The following NECTIN3 variants were observed in gnomAD, a reference collection of about 807,000 sequenced individuals.
NECTIN3 encodes nectin cell adhesion molecule 3, also known as nectin-3.
NECTIN3 carries 8 observed loss-of-function variants against 49.4 expected under a neutral mutation model. The observed-to-expected ratio is 0.16, with a 90% CI of 0.10 to 0.29. NECTIN3 has a LOEUF of 0.29. Ranked by LOEUF, NECTIN3 falls within the 10% of genes least tolerant of loss-of-function variation. NECTIN3 has a pLI of 1.00. For missense variants in NECTIN3, 581 were observed against 654.6 expected (o/e 0.89, Z 1.23); for synonymous variants, 277 against 241.1 (o/e 1.15, Z -1.38).
intron 7 of NECTIN3, among the ~76,000 whole-genome samples, chr3:111,168,436 A>T (rs2035363174): frequency 6.6e-6 from 1 of 151,442 alleles, no homozygotes; most frequent in African/African-American, 2.5e-5. Context: ...TCCCTTTTAT[A>T]TCTTATTACT....
At chr3:111,170,176 G>C (rs2035406209) in intron 7 of NECTIN3, among the ~76,000 whole-genome samples, 1 of 152,084 alleles carries the variant, frequency 6.6e-6, no homozygotes, top group Non-Finnish European at 1.5e-5. Flanking sequence ...TTCTTTATTA[G>C]GCATGAAGAT....
chr3:111,156,597 T>C (rs1447966654), intron 7 of NECTIN3, among the ~76,000 whole-genome samples: 2 of 152,224 alleles, frequency 1.3e-5, no homozygotes, highest in African/African-American at 4.8e-5. Flanking sequence ...CGGTTTATTC[T>C]TGATTGAGTT....
Position 111,135,764 on chromosome 3 carries a change from AT to A in NECTIN3, c.*1550del. On this transcript the variant is annotated 3_prime_UTR_variant, in exon 6 of 6. Transcript: ENST00000485303. ...TAGGGGGCAAAATTCTAACATGTTC[AT>A]GGTATCTTGCAAATAGTGAAAGCTT... 8 of 959,106 alleles carry A rather than the reference AT, an allele frequency of 8.3e-6. No individual in the cohort carries two copies. The highest frequency in any genetic ancestry group is 9.9e-6 in the Non-Finnish European group (8 of 806,234). 59.4% of individuals were successfully genotyped at this position (959,106 alleles called of 1,614,324 possible).
Position 111,136,270 on chromosome 3 carries a change from T to C in NECTIN3, c.*2055T>C. 1 of 966,080 alleles carries C rather than the reference T, an allele frequency of 1.0e-6. No individual in the cohort carries two copies. Among genetic ancestry groups the C allele is most frequent in the Non-Finnish European group, 1.2e-6 (1 of 812,518 alleles). The allele number at this position is 966,080 out of a possible 1,614,324, so 59.8% of individuals were successfully genotyped here. A position where few individuals can be genotyped will look rare whatever the true frequency, so the allele number is the denominator to read the frequency against. The stretch of plus-strand genomic sequence containing the variant: ...AGTATAATCTGAAGGAAATTAGCAG[T>C]GTATTTTAAGAAATATATTTCAAAA... On this transcript the variant is annotated 3_prime_UTR_variant, in exon 6 of 6. Coordinates refer to ENST00000485303, the MANE Select transcript of NECTIN3 (RefSeq NM_015480.3).
intron 2 of NECTIN3, 50 bp downstream of exon 2, chr3:111,112,421 T>G: frequency 9.1e-7 from 1 of 1,104,866 alleles, no homozygotes. Context: ...AAGATTATAA[T>G]AAAAATATTT....
intron 4 of NECTIN3, among the ~76,000 whole-genome samples, chr3:111,125,499 T>C (rs2034128681): frequency 6.6e-6 from 1 of 152,172 alleles, no homozygotes. Flanking sequence ...CTCTACATGG[T>C]TTAGAGTAAT....
intron 7 of NECTIN3, among the ~76,000 whole-genome samples, chr3:111,162,313 C>G (rs2035229584): frequency 6.6e-6 from 1 of 152,146 alleles, no homozygotes; most frequent in South Asian, 2.1e-4. Flanking sequence ...TTCCCATAAT[C>G]CCCACATCAT....
At chr3:111,176,962 T>G (rs964900796) in intron 7 of NECTIN3, among the ~76,000 whole-genome samples, 1 of 152,194 alleles carries the variant, frequency 6.6e-6, no homozygotes, top group African/African-American at 2.4e-5. Flanking sequence ...GCCTGTTGTT[T>G]TAGGAACTAA....
chr3:111,165,655 G>A (rs572223651), intron 7 of NECTIN3, among the ~76,000 whole-genome samples: 39 of 152,258 alleles, frequency 2.6e-4, no homozygotes, highest in African/African-American at 9.4e-4. Flanking sequence ...AAACTTGGAT[G>A]TTCACCCTGC....
chr3:111,178,057 G>A (rs747341707), intron 7 of NECTIN3, among the ~76,000 whole-genome samples: 9 of 152,024 alleles, frequency 5.9e-5, no homozygotes, highest in Admixed American at 1.3e-4. Context: ...ATCACATTTC[G>A]CTTTGAAAAA....
At chr3:111,092,675 T>C (rs2032345585) in intron 1 of NECTIN3, among the ~76,000 whole-genome samples, 1 of 152,156 alleles carries the variant, frequency 6.6e-6, no homozygotes, top group African/African-American at 2.4e-5. Flanking sequence ...TGTCACACAG[T>C]TTTGATTAGT....
intron 1 of NECTIN3, among the ~76,000 whole-genome samples, chr3:111,194,010 G>T (rs2035862550): frequency 6.6e-6 from 1 of 152,092 alleles, no homozygotes; most frequent in African/African-American, 2.4e-5. Context: ...GAGCACTGAG[G>T]TCCTGAGGGA....
chr3:111,101,391 ATAGT>A (rs761336852), intron 1 of NECTIN3, among the ~76,000 whole-genome samples: 1 of 152,174 alleles, frequency 6.6e-6, no homozygotes, highest in Non-Finnish European at 1.5e-5. Context: ...GATTAACTTT[ATAGT>A]TAGTGTTAAT....
At chr3:111,111,322 T>A (rs1315394794) in intron 1 of NECTIN3, among the ~76,000 whole-genome samples, 3 of 152,192 alleles carry the variant, frequency 2.0e-5, no homozygotes, top group Admixed American at 6.5e-5. Flanking sequence ...GCTTGTGAAA[T>A]TTTTTTTCTT....
chr3:111,117,153 G>A (rs1208080173), intron 2 of NECTIN3, among the ~76,000 whole-genome samples: 2 of 151,920 alleles, frequency 1.3e-5, no homozygotes, highest in African/African-American at 4.8e-5. Context: ...GTAAAAAAAT[G>A]AATTCCAAAA....
Position 111,134,068 on chromosome 3 carries a change from C to T in NECTIN3, c.1503C>T (p.Leu501=). 6.2e-7 allele frequency: 1 copy of T among 1,613,540 alleles called. No homozygotes were observed. The highest frequency in any genetic ancestry group is 2.2e-5 in the East Asian group (1 of 44,852). Residue 501 remains leucine, a synonymous_variant, in exon 6 of 6, where the codon CTC becomes CTT. Coordinates refer to ENST00000485303, the MANE Select transcript of NECTIN3 (RefSeq NM_015480.3). ...EKTQWNNVEN[L]NRFERPMDYY... is the part of the protein sequence containing the mutation. ...CTCAGTGGAACAATGTAGAAAATCT[C>T]AATAGGTTTGAAAGACCAATGGATT...
At chr3:111,122,815 A>C (rs1423256639) in intron 4 of NECTIN3, among the ~76,000 whole-genome samples, 1 of 152,076 alleles carries the variant, frequency 6.6e-6, no homozygotes, top group East Asian at 1.9e-4. Context: ...TCAAACTGTT[A>C]TACCAAGGTT....
At chr3:111,176,517 G>T (rs960572482) in intron 7 of NECTIN3, among the ~76,000 whole-genome samples, 1 of 151,986 alleles carries the variant, frequency 6.6e-6, no homozygotes, top group African/African-American at 2.4e-5. Context: ...AAATAAAACT[G>T]CATTCTTTGG....
intron 7 of NECTIN3, among the ~76,000 whole-genome samples, chr3:111,183,958 CTTCT>C (rs1313832600): frequency 2.0e-5 from 3 of 152,190 alleles, no homozygotes; most frequent in South Asian, 4.1e-4. Context: ...TTTTCCCTTC[CTTCT>C]GTGATTCCAG....
Sources: allele counts gnomAD v4.1 joint callset (sites outside exome capture counted in the v4.1 genomes callset), GRCh38; gene constraint gnomAD v4.1.1; transcripts MANE v1.5; gene names NCBI Gene and HGNC (gene_info 2026-07-23, HGNC 2026-07-21).